Variants in OSBPL5 observed in about 807,000 individuals in gnomAD.
The protein encoded by OSBPL5 is oxysterol-binding protein-related protein 5.
A neutral mutation model predicts 111.2 loss-of-function variants in OSBPL5; 71 were observed. That is an observed-to-expected ratio of 0.64 (90% confidence interval 0.53 to 0.78). The LOEUF is 0.78. OSBPL5 is among the 30% of genes least tolerant of loss of function. OSBPL5 has a pLI of 0.00. For missense variants in OSBPL5, 1,210 were observed against 1,189.3 expected (o/e 1.02, Z -0.26); for synonymous variants, 549 against 513.9 (o/e 1.07, Z -0.93).
chr11:3,127,462 G>A lies in OSBPL5; in HGVS notation c.137-907C>T, dbSNP rs1300936214. Among the ~76,000 whole-genome samples the A allele has an allele frequency of 2.6e-5, 4 of 152,084 alleles. No homozygotes were observed. In the East Asian group the frequency reaches 5.8e-4, roughly 22 times the overall value. On this transcript the variant is annotated intron_variant, in intron 2 of 21. Coordinates refer to ENST00000263650, the MANE Select transcript of OSBPL5 (RefSeq NM_020896.4). ...GGACGAAGAACGGAAAAGCCAGGAC[G>A]GTGGCCTGAGGAAGTGGTTCTGTCC...
intron 1 of OSBPL5, among the ~76,000 whole-genome samples, chr11:3,164,665 A>G (rs1389572055): frequency 6.6e-6 from 1 of 152,152 alleles, no homozygotes; most frequent in Non-Finnish European, 1.5e-5. Context: ...CCTAGCCTGT[A>G]ATCCAGGCAG....
intron 1 of OSBPL5, among the ~76,000 whole-genome samples, chr11:3,131,695 CAT>C (rs1564850017): frequency 7.4e-6 from 1 of 134,322 alleles, no homozygotes; most frequent in African/African-American, 3.1e-5. Flanking sequence ...CCCACCCATT[CAT>C]CTATCCATCC....
At chr11:3,124,069 C>CGTTCTGT (rs1237398245) in intron 3 of OSBPL5, among the ~76,000 whole-genome samples, 41 of 152,260 alleles carry the variant, frequency 2.7e-4, no homozygotes, top group African/African-American at 9.6e-4. Flanking sequence ...TGCGGTTCTG[C>CGTTCTGT]GTTCTGTGCA....
intron 7 of OSBPL5, among the ~76,000 whole-genome samples, chr11:3,117,895 C>G (rs926056013): frequency 2.6e-5 from 4 of 152,232 alleles, no homozygotes; most frequent in Non-Finnish European, 4.4e-5. Context: ...TGCCTGCCTA[C>G]TGATGTATGG....
chr11:3,137,144 G>C (rs992406575), intron 1 of OSBPL5, among the ~76,000 whole-genome samples: 5 of 152,198 alleles, frequency 3.3e-5, no homozygotes, highest in African/African-American at 1.2e-4. Context: ...CTGCTGTGAG[G>C]AAACCACGCA....
intron 14 of OSBPL5, among the ~76,000 whole-genome samples, chr11:3,097,352 G>C (rs928382527): frequency 7.3e-4 from 111 of 152,050 alleles, no homozygotes; most frequent in Non-Finnish European, 9.1e-4. Context: ...TCATTCCAGA[G>C]GGAGAGTCAA....
intron 1 of OSBPL5, among the ~76,000 whole-genome samples, chr11:3,137,593 G>A (rs764632076): frequency 1.3e-5 from 2 of 152,140 alleles, no homozygotes; most frequent in Non-Finnish European, 2.9e-5. Context: ...CGGGTGGATC[G>A]CTTGAGCCTA....
At chr11:3,153,568 G>A (rs1846656334) in intron 1 of OSBPL5, among the ~76,000 whole-genome samples, 1 of 152,058 alleles carries the variant, frequency 6.6e-6, no homozygotes, top group African/African-American at 2.4e-5. Context: ...CCGTCGCTAG[G>A]GCTGAGGCCC....
chr11:3,136,508 TTCC>T (rs1490356823), intron 1 of OSBPL5, among the ~76,000 whole-genome samples: 1 of 152,208 alleles, frequency 6.6e-6, no homozygotes, highest in Admixed American at 6.5e-5. Flanking sequence ...CTGTGCCCAA[TTCC>T]TCCTCTGTCC....
At chr11:3,122,478 G>T in intron 3 of OSBPL5, 50 bp from the exon 4 acceptor site, 2 of 1,573,134 alleles carry the variant, frequency 1.3e-6, no homozygotes, top group Non-Finnish European at 1.7e-6. Flanking sequence ...GCCGGCCCAG[G>T]GCTAGGAGCC....
chr11:3,132,192 A>G (rs1472251637), intron 1 of OSBPL5, among the ~76,000 whole-genome samples: 1 of 151,962 alleles, frequency 6.6e-6, no homozygotes, highest in Admixed American at 6.6e-5. Flanking sequence ...AAACACTGAT[A>G]TGGAACAGAC....
Position 3,087,829 on chromosome 11 carries a change from G to T in OSBPL5, c.*376C>A. ...CCTCCAAACCTGCCCACTCACTGCTGCTGGGGTGTGACTGTCCAGGGCCCC... is the reference window on the plus strand; with the variant it reads ...CCTCCAAACCTGCCCACTCACTGCTTCTGGGGTGTGACTGTCCAGGGCCCC... On this transcript the variant is annotated 3_prime_UTR_variant, in exon 22 of 22. Coordinates refer to ENST00000263650, the MANE Select transcript of OSBPL5 (RefSeq NM_020896.4). 1 of 167,974 alleles carries T rather than the reference G, an allele frequency of 6.0e-6. No individual in the cohort carries two copies. The allele number at this position is 167,974 out of a possible 1,614,324, so 10.4% of individuals were successfully genotyped here. A position where few individuals can be genotyped will look rare whatever the true frequency, so the allele number is the denominator to read the frequency against.
intron 14 of OSBPL5, among the ~76,000 whole-genome samples, chr11:3,098,585 A>G (rs1294974757): frequency 7.3e-6 from 1 of 136,078 alleles, no homozygotes; most frequent in African/African-American, 2.9e-5. Flanking sequence ...AGCTCACTGC[A>G]TCCTTCAACT....
intron 1 of OSBPL5, among the ~76,000 whole-genome samples, chr11:3,152,314 C>T (rs928019950): frequency 4.6e-5 from 7 of 152,188 alleles, no homozygotes; most frequent in Non-Finnish European, 7.3e-5. Flanking sequence ...ATGATTAACA[C>T]GTCTTCTAGG....
At chr11:3,158,106 C>T (rs1473576498) in intron 1 of OSBPL5, among the ~76,000 whole-genome samples, 1 of 152,228 alleles carries the variant, frequency 6.6e-6, no homozygotes, top group Non-Finnish European at 1.5e-5. Context: ...CAGACGGGGC[C>T]CACATCCTGA....
rs546745837 is a variant in OSBPL5 at position 3,119,450 on chromosome 11, A to G, written c.691+97T>C. On this transcript the variant is annotated intron_variant, in intron 7 of 21. Transcript: ENST00000263650. ...AGGCTGCCCCCAGACAGTAGAAGGG[A>G]CTGAACTGGGGCCACCTGTACCTGG... 592 of 1,239,768 alleles carry G rather than the reference A, an allele frequency of 4.8e-4. 4 individuals are homozygous for G. Among genetic ancestry groups the G allele is most frequent in the Admixed American group, 4.2e-4 (15 of 36,122 alleles). The allele number at this position is 1,239,768 out of a possible 1,614,324, so 76.8% of individuals were successfully genotyped here.
chr11:3,119,285 A>G (rs369549051), intron 7 of OSBPL5, among the ~76,000 whole-genome samples: 1 of 152,214 alleles, frequency 6.6e-6, no homozygotes, highest in Non-Finnish European at 1.5e-5. Flanking sequence ...TGCTGGGATT[A>G]CAGGTGTGAG....
Position 3,104,199 on chromosome 11 carries a change from A to C in OSBPL5, c.1238T>G (p.Leu413Arg). The change falls in exon 10 of 22, where the codon CTC (leucine) becomes CGC (arginine). Residue 413 changes from leucine (L) to arginine (R), a missense_variant. By Grantham distance (102) the Leu-to-Arg change is moderately radical. Coordinates refer to ENST00000263650, the MANE Select transcript of OSBPL5 (RefSeq NM_020896.4). The surrounding 1 kb of genome is among the most constrained non-coding windows in gnomAD (Gnocchi z 5.0). ...LSDYYYHADL[L>R]SRAAVEEDAY... ...CTCCCGGCATGGCGCGCACCTGGAG[A>C]GCAGGTCTGCGTGGTAGTAGTAGTC... 1 of 1,605,912 alleles carries C rather than the reference A, an allele frequency of 6.2e-7. No individual in the cohort carries two copies. Among genetic ancestry groups the C allele is most frequent in the Non-Finnish European group, 8.5e-7 (1 of 1,173,872 alleles).
rs564283663 is a variant in OSBPL5, at chr11:3,113,039, A to G, written c.692-5094T>C. ...TATGTATTTATGTGTCGTGTACACA[A>G]TGTTTCACTACTGAAAATATATAAA... On this transcript the variant is annotated intron_variant, in intron 7 of 21. Transcript: ENST00000263650. The surrounding 1 kb of genome is among the most constrained non-coding windows in gnomAD (Gnocchi z 4.8). Among the ~76,000 whole-genome samples, 23 of 152,350 alleles carry G rather than the reference A, an allele frequency of 1.5e-4. No individual in the cohort carries two copies. The highest frequency in any genetic ancestry group is 4.6e-4 in the African/African-American group (19 of 41,586).
Sources: gnomAD v4.1 joint callset for allele counts (sites outside exome capture counted in the v4.1 genomes callset) on GRCh38, gnomAD v4.1.1 for gene constraint, Gnocchi (gnomAD v3.1) non-coding constraint, MANE v1.5 for transcripts, NCBI Gene and HGNC (gene_info 2026-07-23, HGNC 2026-07-21) for gene names.